The following TBL1XR1 variants were observed in gnomAD, a reference collection of about 807,000 sequenced individuals.
TBL1XR1 encodes F-box-like/WD repeat-containing protein TBL1XR1.
In TBL1XR1, 5 loss-of-function variants were observed where a neutral mutation model predicts 66.9. The ratio of observed to expected loss-of-function variants is 0.07; its 90% confidence interval spans 0.04 to 0.16. The LOEUF is 0.16. Ranked by LOEUF, TBL1XR1 falls within the 10% of genes least tolerant of loss-of-function variation. TBL1XR1 has a pLI of 1.00. For synonymous variants in TBL1XR1, 210 were observed against 206.0 expected, an observed-to-expected ratio of 1.02 and a Z score of -0.17; for missense variants, 238 against 623.2, an observed-to-expected ratio of 0.38 and a Z score of 6.58.
chr3:177,041,562 C>G (rs561037044), intron 10 of TBL1XR1, among the ~76,000 whole-genome samples: 1 of 152,318 alleles, frequency 6.6e-6, no homozygotes, highest in African/African-American at 2.4e-5. Context: ...CCTAAATCAA[C>G]TAGTAAACAA....
intron 1 of TBL1XR1, among the ~76,000 whole-genome samples, chr3:177,123,112 TG>T (rs1205800570): frequency 6.6e-6 from 1 of 152,064 alleles, no homozygotes; most frequent in Non-Finnish European, 1.5e-5. Flanking sequence ...GAGAAACCTG[TG>T]AACAGCAGCA....
At chr3:177,028,797 G>T (rs1713523972) in intron 14 of TBL1XR1, among the ~76,000 whole-genome samples, 1 of 151,892 alleles carries the variant, frequency 6.6e-6, no homozygotes. Context: ...ACAACAAGAG[G>T]GATTTATAAA....
intron 1 of TBL1XR1, among the ~76,000 whole-genome samples, chr3:177,154,222 G>A (rs766806282): frequency 7.9e-5 from 12 of 151,974 alleles, no homozygotes; most frequent in Non-Finnish European, 1.3e-4. Flanking sequence ...TAAGCATAAG[G>A]AAGCTCTAAG....
intron 1 of TBL1XR1, 142 bp downstream of exon 1, chr3:177,196,979 T>A (rs1421834118): frequency 6.7e-6 from 1 of 150,294 alleles, no homozygotes; most frequent in African/African-American, 2.5e-5. Context: ...CAAGCCCAGT[T>A]CCCCCAAGGG....
rs180925559 is a variant in TBL1XR1, at chr3:177,191,931, A to G, written c.-122+5190T>C. The stretch of plus-strand genomic sequence containing the variant: ...AACATGGTGAAACCCCATCTCTACT[A>G]AAGATACAAGAAATTAGCCAGGCAA... On this transcript the variant is annotated intron_variant, in intron 1 of 15. Transcript: ENST00000457928. Among the ~76,000 whole-genome samples the G allele has an allele frequency of 6.2e-3, 944 of 151,666 alleles. 4 individuals are homozygous for G. The highest frequency in any genetic ancestry group is 0.01 in the Middle Eastern group (3 of 294).
intron 1 of TBL1XR1, among the ~76,000 whole-genome samples, chr3:177,184,263 T>TA (rs1735153617): frequency 6.6e-6 from 1 of 152,180 alleles, no homozygotes; most frequent in African/African-American, 2.4e-5. Flanking sequence ...CACATACATC[T>TA]AAGTTTGTAA....
intron 2 of TBL1XR1, among the ~76,000 whole-genome samples, chr3:177,094,839 A>T (rs925561098): frequency 1.3e-5 from 2 of 152,064 alleles, no homozygotes; most frequent in East Asian, 1.9e-4. Context: ...GGGGATGGAG[A>T]GGGATGAAAG....
chr3:177,089,526 G>T (rs1201284), intron 2 of TBL1XR1, among the ~76,000 whole-genome samples: 2 of 152,052 alleles, frequency 1.3e-5, no homozygotes, highest in African/African-American at 4.8e-5. Flanking sequence ...TCAGGCAGTC[G>T]GTATCAGCCT....
At chr3:177,157,460 T>C (rs558724060) in intron 1 of TBL1XR1, among the ~76,000 whole-genome samples, 1 of 152,312 alleles carries the variant, frequency 6.6e-6, no homozygotes, top group African/African-American at 2.4e-5. Flanking sequence ...TATAATACTA[T>C]AAAATTCTGA....
intron 2 of TBL1XR1, among the ~76,000 whole-genome samples, chr3:177,085,649 T>G (rs1203237470): frequency 6.6e-6 from 1 of 152,130 alleles, no homozygotes; most frequent in African/African-American, 2.4e-5. Context: ...GACAATAGGA[T>G]GTATAGGAAA....
At chr3:177,088,422 G>C (rs1015137512) in intron 2 of TBL1XR1, among the ~76,000 whole-genome samples, 1 of 152,108 alleles carries the variant, frequency 6.6e-6, no homozygotes, top group Non-Finnish European at 1.5e-5. Context: ...GTTTAGACTT[G>C]GATCCTATCC....
chr3:177,158,674 G>GAAGA (rs1253287942), intron 1 of TBL1XR1, among the ~76,000 whole-genome samples: 2 of 152,112 alleles, frequency 1.3e-5, no homozygotes, highest in African/African-American at 4.8e-5. Context: ...CAGTAACCAG[G>GAAGA]AAGAGCTAAG....
At chr3:177,107,424 TATTTC>T (rs963875120) in intron 1 of TBL1XR1, among the ~76,000 whole-genome samples, 2 of 152,202 alleles carry the variant, frequency 1.3e-5, no homozygotes, top group Non-Finnish European at 2.9e-5. Context: ...TTAAAACAAA[TATTTC>T]ATTTAACTAC....
At chr3:177,046,072 T>G (rs952486649) in intron 10 of TBL1XR1, 57 bp downstream of exon 10, 1 of 1,337,170 alleles carries the variant, frequency 7.5e-7, no homozygotes, top group African/African-American at 1.5e-5. Context: ...CTGTTAAAAG[T>G]TTAATTAGAA....
At chr3:177,134,660 C>A (rs1271474383) in intron 1 of TBL1XR1, among the ~76,000 whole-genome samples, 1 of 152,072 alleles carries the variant, frequency 6.6e-6, no homozygotes, top group Non-Finnish European at 1.5e-5. Flanking sequence ...TTAAGAGACT[C>A]TGTTCCTTAA....
At chr3:177,032,532 T>TGGA (rs1714153133) in intron 14 of TBL1XR1, 1 of 152,468 alleles carries the variant, frequency 6.6e-6, no homozygotes, top group African/African-American at 2.4e-5. Context: ...TAAGAATCTC[T>TGGA]GAAACACCAT....
intron 7 of TBL1XR1, 33 bp downstream of exon 7, chr3:177,049,964 A>C (rs1399736470): frequency 6.2e-7 from 1 of 1,604,014 alleles, no homozygotes; most frequent in Admixed American, 1.7e-5. Context: ...GTATACTAGT[A>C]ATTATATCCA....
At chr3:177,094,052 G>A (rs1292899053) in intron 2 of TBL1XR1, among the ~76,000 whole-genome samples, 1 of 152,098 alleles carries the variant, frequency 6.6e-6, no homozygotes, top group Non-Finnish European at 1.5e-5. Context: ...CCCACAGAGT[G>A]AGAGAAAATC....
intron 10 of TBL1XR1, among the ~76,000 whole-genome samples, chr3:177,045,606 T>C (rs1716224221): frequency 1.3e-5 from 2 of 152,250 alleles, no homozygotes; most frequent in South Asian, 4.1e-4. Context: ...AGTCTATTTT[T>C]TACTTCCTGT....
Sources: allele counts gnomAD v4.1 joint callset (sites outside exome capture counted in the v4.1 genomes callset), GRCh38; gene constraint gnomAD v4.1.1; transcripts MANE v1.5; gene names NCBI Gene and HGNC (gene_info 2026-07-23, HGNC 2026-07-21).